The following CKAP2 variants were observed in gnomAD, a reference collection of about 807,000 sequenced individuals.
CKAP2 encodes the protein cytoskeleton-associated protein 2.
CKAP2 carries 46 observed loss-of-function variants against 58.4 expected under a neutral mutation model. The ratio of observed to expected loss-of-function variants is 0.79; its 90% CI spans 0.62 to 1.01. The LOEUF is 1.01. Among genes scored for constraint, CKAP2 ranks in the 50% least tolerant of loss-of-function variants. The pLI is 0.00. For synonymous variants in CKAP2, 293 were observed against 280.9 expected, an observed-to-expected ratio of 1.04 and a Z score of -0.43; for missense variants, 809 against 796.4, an observed-to-expected ratio of 1.02 and a Z score of -0.19.
intron 6 of CKAP2, among the ~76,000 whole-genome samples, chr13:52,466,104 A>C (rs562202427): frequency 3.3e-4 from 50 of 152,248 alleles, no homozygotes; most frequent in African/African-American, 1.1e-3. Context: ...GCATACAGAA[A>C]ATGGCAATAA....
intron 5 of CKAP2, among the ~76,000 whole-genome samples, chr13:52,463,475 GT>G (rs1433174124): frequency 5.9e-5 from 9 of 151,850 alleles, no homozygotes; most frequent in Non-Finnish European, 1.3e-4. Context: ...TTAATTAACA[GT>G]TTAAAAAAAG....
Position 52,461,875 on chromosome 13 carries a change from C to G in CKAP2, c.1049C>G (p.Ala350Gly). 6.2e-7 allele frequency: 1 copy of G among 1,613,852 alleles called. No homozygotes were observed. The highest frequency in any genetic ancestry group is 1.6e-4 in the Middle Eastern group (1 of 6,062). Residue 350 changes from alanine (A) to glycine (G), a missense_variant, in exon 4 of 9, where the codon GCA becomes GGA. By Grantham distance (60) the Ala-to-Gly change is moderately conservative. This residue lies in a region of CKAP2 where 523 missense variants were observed against 492.4 expected (regional missense o/e 1.06). Transcript: ENST00000258607. Reference protein sequence around the residue: ...VDQRRHTAGKAIVDSRSAQPK... With the variant: ...VDQRRHTAGKGIVDSRSAQPK... ...CAGCGAAGACATACTGCAGGAAAAG[C>G]AATTGTTGATAGTAGATCAGCTCAG... is the stretch of plus-strand genomic sequence containing the variant.
chr13:52,456,566 A>G lies in CKAP2; in HGVS notation c.114A>G (p.Lys38=). Residue 38 remains lysine (K), a synonymous_variant, in exon 2 of 9, where the codon AAA becomes AAG. Coordinates refer to ENST00000258607, the MANE Select transcript of CKAP2 (RefSeq NM_018204.5). ...QKLKEHLLRR[K]TLFAYKQENE... is the part of the protein sequence containing the mutation. Reference sequence around the variant, plus strand: ...TCAAGGAACATCTGTTGAGAAGAAAAACGCTTTTTGCATACAAGCAGGAAA... The same window carrying G: ...TCAAGGAACATCTGTTGAGAAGAAAGACGCTTTTTGCATACAAGCAGGAAA... The G allele has an allele frequency of 6.2e-7, 1 of 1,613,866 alleles. No individual in the cohort carries two copies. The highest frequency in any genetic ancestry group is 8.5e-7 in the Non-Finnish European group (1 of 1,179,892).
intron 6 of CKAP2, chr13:52,465,979 G>A (rs61959705): frequency 0.013 from 1,466 of 114,648 alleles, 8 homozygotes; most frequent in African/African-American, 0.025. Context: ...ACACATATAT[G>A]CACACATATA....
Position 52,461,626 on chromosome 13 carries a change from T to C in CKAP2, c.800T>C (p.Val267Ala), listed in dbSNP as rs367704222. 6.2e-6 allele frequency: 10 copies of C among 1,613,952 alleles called. No homozygotes were observed. The highest frequency in any genetic ancestry group is 8.5e-6 in the Non-Finnish European group (10 of 1,180,012). The stretch of plus-strand genomic sequence containing the variant: ...CATCACAGTAATACCCGGGACACTG[T>C]GAAACAAGGCATCAGTAGAACTTCT... ...RSHHSNTRDT[V>A]KQGISRTSAN... Residue 267 changes from valine to alanine, a missense_variant, in exon 4 of 9, where the codon GTG becomes GCG. By Grantham distance (64) the Val-to-Ala change is moderately conservative. Transcript: ENST00000258607.
chr13:52,468,453 G>T, intron 7 of CKAP2, 106 bp downstream of exon 7: 1 of 649,580 alleles, frequency 1.5e-6, no homozygotes, highest in Non-Finnish European at 2.6e-6. Flanking sequence ...GGATGTGCAG[G>T]TTTGTTACAA....
chr13:52,458,602 C>T (rs1038918506), intron 2 of CKAP2, among the ~76,000 whole-genome samples: 1 of 152,164 alleles, frequency 6.6e-6, no homozygotes, highest in African/African-American at 2.4e-5. Flanking sequence ...GTGGCTCATG[C>T]CTGTAATCCC....
chr13:52,474,763 C>G, intron 8 of CKAP2, 132 bp from the exon 9 acceptor site: 3 of 847,774 alleles, frequency 3.5e-6, no homozygotes, highest in Non-Finnish European at 5.3e-6. Context: ...CTTATAGTAC[C>G]TCTCTAAAAG....
rs1232169384 is a variant in CKAP2, at chr13:52,461,668, G to C, written c.842G>C (p.Arg281Pro). The change falls in exon 4 of 9, where the codon CGG becomes CCG. Residue 281 changes from arginine (R) to proline (P), a missense_variant. Transcript: ENST00000258607. The stretch of plus-strand genomic sequence containing the variant: ...AGAACTTCTGCCAATGTTACAATCC[G>C]GAAAGGGCCTCATGAAAAAGAACTA... ...ISRTSANVTI[R>P]KGPHEKELLQ... 1.2e-6 allele frequency: 2 copies of C among 1,613,926 alleles called. No individual in the cohort carries two copies. Among genetic ancestry groups the C allele is most frequent in the Non-Finnish European group, 1.7e-6 (2 of 1,180,006 alleles).
intron 5 of CKAP2, among the ~76,000 whole-genome samples, chr13:52,464,756 A>G (rs1958640009): frequency 6.6e-6 from 1 of 152,166 alleles, no homozygotes; most frequent in South Asian, 2.1e-4. Flanking sequence ...ACTAGTGTGT[A>G]AGATCCACAG....
In CKAP2 at chr13:52,462,470, G is replaced by T. The variant is rs201326864; in HGVS notation, c.1208G>T (p.Gly403Val). 1.2e-6 allele frequency: 2 copies of T among 1,613,946 alleles called. No homozygotes were observed. The highest frequency in any genetic ancestry group is 1.3e-5 in the African/African-American group (1 of 74,998). The change falls in exon 5 of 9, where the codon GGG (glycine) becomes GTG (valine). Residue 403 changes from glycine (G) to valine (V), a missense_variant. Gly to Val is a moderately radical substitution (Grantham distance 109). Around this residue, in one of 3 missense-constraint regions of CKAP2, gnomAD observed 523 missense variants for 492.4 expected, o/e 1.06. Transcript: ENST00000258607. ...GCAGGACAAAATGAAAAACCAGTTG[G>T]GTCTTTTTGGACTACCATGGCAGAA... ...EPAGQNEKPV[G>V]SFWTTMAEED...
In CKAP2 at chr13:52,461,986, T is replaced by G. The variant is rs1958592814; in HGVS notation, c.1100+60T>G. ...TTCAATAAAGTACTGTTTGTAGATT[T>G]GGATTATAATTTCCTTGACTGCATT... is the stretch of plus-strand genomic sequence containing the variant. On this transcript the variant is annotated intron_variant, in intron 4 of 8. Coordinates refer to ENST00000258607, the MANE Select transcript of CKAP2 (RefSeq NM_018204.5). 2.8e-6 allele frequency: 4 copies of G among 1,411,566 alleles called. No individual in the cohort carries two copies. The East Asian group carries it at 9.9e-5, about 35-fold the overall frequency. 87.4% of individuals were successfully genotyped at this position (1,411,566 alleles called of 1,614,324 possible). A position where few individuals can be genotyped will look rare whatever the true frequency, so the allele number is the denominator to read the frequency against.
intron 2 of CKAP2, among the ~76,000 whole-genome samples, chr13:52,458,645 T>C (rs574419261): frequency 6.6e-5 from 10 of 152,202 alleles, no homozygotes; most frequent in East Asian, 1.9e-4. Flanking sequence ...GGTGTATCAC[T>C]TGAGGTCAAG....
rs755154829 is a variant in CKAP2 at position 52,473,962 on chromosome 13, T to A, written c.1680T>A (p.Asp560Glu). ...TTCATAGAAATTTGCTATTTCAAGA[T>A]TGTGAAAAAGAGCAAGACAACAAAA... ...SKLHRNLLFQ[D>E]CEKEQDNKTK... is the part of the protein sequence containing the mutation. Residue 560 changes from aspartate (D) to glutamate (E), a missense_variant, in exon 8 of 9, where the codon GAT (aspartate) becomes GAA (glutamate). By Grantham distance (45) the Asp-to-Glu change is conservative (BLOSUM62 2). Transcript: ENST00000258607. 6.2e-7 allele frequency: 1 copy of A among 1,614,026 alleles called. No individual in the cohort carries two copies. The highest frequency in any genetic ancestry group is 1.7e-5 in the Admixed American group (1 of 60,014).
intron 7 of CKAP2, among the ~76,000 whole-genome samples, chr13:52,472,433 G>T (rs1408130008): frequency 6.6e-6 from 1 of 152,088 alleles, no homozygotes; most frequent in East Asian, 1.9e-4. Context: ...TCACTATCAT[G>T]CAACTAAAAC....
At chr13:52,465,219 G>A (rs1319941977) in intron 5 of CKAP2, 76 bp from the exon 6 acceptor site, 1 of 1,244,566 alleles carries the variant, frequency 8.0e-7, no homozygotes, top group African/African-American at 1.5e-5. Flanking sequence ...CATTGATCTT[G>A]ACTATAGTAG....
chr13:52,471,508 TAAAA>T (rs748000834), intron 7 of CKAP2, among the ~76,000 whole-genome samples: 3 of 142,490 alleles, frequency 2.1e-5, no homozygotes, highest in African/African-American at 7.7e-5. Flanking sequence ...AGAAGAGGGT[TAAAA>T]AAAAAAAAAG....
At chr13:52,468,136 G>A (rs540335634) in intron 6 of CKAP2, 142 bp from the exon 7 acceptor site, 81 of 553,100 alleles carry the variant, frequency 1.5e-4, no homozygotes, top group African/African-American at 1.3e-3. Flanking sequence ...AATCTTAATT[G>A]TAAGTGGTCT....
At position 52,455,533 on chromosome 13, in the gene CKAP2, C is replaced by T. The variant is rs767416626; in HGVS notation, c.-24C>T. On this transcript the variant is annotated 5_prime_UTR_variant, in exon 1 of 9. In the 5' UTR this introduces an upstream ATG that the reference lacks. Transcript: ENST00000258607. ...TTCTATCTTGGCGCTAAAGCGGAGA[C>T]GCATCCCCCGACCCGAGGCTACGAT... 1 of 1,612,626 alleles carries T rather than the reference C, an allele frequency of 6.2e-7. No individual in the cohort carries two copies. The highest frequency in any genetic ancestry group is 8.5e-7 in the Non-Finnish European group (1 of 1,179,604).
Sources: gnomAD v4.1 joint callset for allele counts (sites outside exome capture counted in the v4.1 genomes callset) on GRCh38, gnomAD v4.1.1 for gene constraint, gnomAD v4.1.1 regional missense constraint, MANE v1.5 for transcripts, NCBI Gene and HGNC (gene_info 2026-07-23, HGNC 2026-07-21) for gene names.